Variants in ADGRA1 observed in about 807,000 individuals in gnomAD.
ADGRA1 encodes the protein adhesion G protein-coupled receptor A1.
Under a neutral mutation model 21.3 loss-of-function variants are expected in ADGRA1, and 12 were observed. That is an observed-to-expected ratio of 0.56 (90% confidence interval 0.36 to 0.91). The LOEUF is 0.91. Among genes scored for constraint, ADGRA1 ranks in the 40% least tolerant of loss-of-function variants. The probability of loss-of-function intolerance (pLI) is 0.01; values close to 1 mark genes in which losing one functional copy is unlikely to be tolerated. For synonymous variants in ADGRA1, 385 were observed against 368.8 expected, an observed-to-expected ratio of 1.04 and a Z score of -0.50; for missense variants, 790 against 805.6, an observed-to-expected ratio of 0.98 and a Z score of 0.23.
At chr10:133,113,212 G>A (rs928885372) in intron 5 of ADGRA1, among the ~76,000 whole-genome samples, 2 of 115,238 alleles carry the variant, frequency 1.7e-5, no homozygotes, top group Non-Finnish European at 3.6e-5. Flanking sequence ...GGTTATTTGA[G>A]GTCTGCGGGC....
intron 6 of ADGRA1, 92 bp downstream of exon 6, chr10:133,127,423 G>A (rs1215032618): frequency 6.1e-6 from 6 of 991,434 alleles, no homozygotes; most frequent in African/African-American, 1.7e-5. Context: ...GGAAGCCCAG[G>A]ACGAAGCAGC....
chr10:133,116,428 G>A lies in ADGRA1; in HGVS notation c.402-10805G>A, dbSNP rs986303101. Among the ~76,000 whole-genome samples the A allele has an allele frequency of 2.8e-4, 25 of 90,606 alleles. No homozygotes were observed. In the East Asian group the frequency reaches 4.8e-3, roughly 17 times the overall value. The allele number at this position is 90,606 out of a possible 152,430, so 59.4% of individuals were successfully genotyped here. ...TGTCAGCGCCCCACCCCCACCCCCC[G>A]CCACCACCCACGGTCCCTTCAGGGC... On this transcript the variant is annotated intron_variant, in intron 5 of 6. Transcript: ENST00000392607.
At chr10:133,124,931 C>T (rs1852349049) in intron 5 of ADGRA1, among the ~76,000 whole-genome samples, 1 of 152,212 alleles carries the variant, frequency 6.6e-6, no homozygotes, top group African/African-American at 2.4e-5. Flanking sequence ...CGCCCTCTGC[C>T]GGCTCACCGG....
intron 5 of ADGRA1, among the ~76,000 whole-genome samples, chr10:133,117,420 G>A (rs1454692478): frequency 6.6e-6 from 1 of 152,228 alleles, no homozygotes; most frequent in African/African-American, 2.4e-5. Context: ...CCCCACAGAG[G>A]CCAAGCGCTC....
chr10:133,111,718 G>A (rs75279872), intron 5 of ADGRA1, among the ~76,000 whole-genome samples: 363 of 1,070 alleles, frequency 0.34, 107 homozygotes, highest in Middle Eastern at 0.5. Flanking sequence ...CCACCTGCCC[G>A]CCACGGGCAC....
chr10:133,107,421 C>A (rs1851913684), intron 5 of ADGRA1, among the ~76,000 whole-genome samples: 1 of 152,042 alleles, frequency 6.6e-6, no homozygotes, highest in Admixed American at 6.5e-5. Context: ...TAAAGGTTTG[C>A]CAATTTTCTT....
chr10:133,125,342 G>A (rs913953241), intron 5 of ADGRA1, among the ~76,000 whole-genome samples: 5 of 152,094 alleles, frequency 3.3e-5, no homozygotes, highest in Admixed American at 2.6e-4. Context: ...TGATTGTTTT[G>A]CTCTTTGGAA....
At chr10:133,120,424 A>C (rs1852233074) in intron 5 of ADGRA1, among the ~76,000 whole-genome samples, 1 of 152,138 alleles carries the variant, frequency 6.6e-6, no homozygotes, top group Non-Finnish European at 1.5e-5. Flanking sequence ...AAAAAAATAT[A>C]TCTTGTTTAG....
At chr10:133,112,520 G>A (rs1174475142) in intron 5 of ADGRA1, among the ~76,000 whole-genome samples, 2 of 149,824 alleles carry the variant, frequency 1.3e-5, no homozygotes, top group Non-Finnish European at 3.0e-5. Flanking sequence ...TTGGTTATTT[G>A]GGGTCTGCAG....
At chr10:133,090,410 A>T (rs1851579160) in intron 2 of ADGRA1, among the ~76,000 whole-genome samples, 1 of 152,112 alleles carries the variant, frequency 6.6e-6, no homozygotes, top group Admixed American at 6.5e-5. Flanking sequence ...ATCTGCCTGG[A>T]GAGTGTGGCA....
At chr10:133,092,465 C>T (rs1364998439) in intron 2 of ADGRA1, among the ~76,000 whole-genome samples, 1 of 152,188 alleles carries the variant, frequency 6.6e-6, no homozygotes, top group African/African-American at 2.4e-5. Context: ...AATCATAACG[C>T]ACCTTACAAA....
chr10:133,103,863 C>T (rs191352745), intron 5 of ADGRA1, among the ~76,000 whole-genome samples: 2 of 152,192 alleles, frequency 1.3e-5, no homozygotes, highest in South Asian at 2.1e-4. Flanking sequence ...AGCGTGGCCT[C>T]GAGGCCTTGG....
Position 133,088,181 on chromosome 10 carries a change from G to T in ADGRA1, c.-203+43G>T, listed in dbSNP as rs567011390. 9.9e-4 allele frequency: 884 copies of T among 895,960 alleles called. 7 individuals carry two copies. The highest frequency in any genetic ancestry group is 8.3e-3 in the African/African-American group (459 of 55,550). 55.5% of individuals were successfully genotyped at this position (895,960 alleles called of 1,614,324 possible). A position where few individuals can be genotyped will look rare whatever the true frequency, so the allele number is the denominator to read the frequency against. ...GTCTGGGCGGCGGGAGGGACGCGCG[G>T]GGCCGCGGCTCGGCAGAAAAGCTCG... is the stretch of plus-strand genomic sequence containing the variant. On this transcript the variant is annotated intron_variant, in intron 1 of 6. Transcript: ENST00000392607.
At chr10:133,111,618 A>T (rs111836518) in intron 5 of ADGRA1, among the ~76,000 whole-genome samples, 18 of 3,806 alleles carry the variant, frequency 4.7e-3, no homozygotes, top group Admixed American at 0.017. Context: ...TCCTAATCCC[A>T]CCAGACAACC....
At chr10:133,096,335 T>C (rs2135868568) in intron 2 of ADGRA1, among the ~76,000 whole-genome samples, 1 of 152,260 alleles carries the variant, frequency 6.6e-6, no homozygotes, top group African/African-American at 2.4e-5. Flanking sequence ...GGGTCGATTT[T>C]CCCCCAGTCT....
intron 5 of ADGRA1, among the ~76,000 whole-genome samples, chr10:133,122,044 T>G (rs1022913033): frequency 5.9e-5 from 9 of 151,436 alleles, no homozygotes; most frequent in African/African-American, 1.9e-4. Flanking sequence ...TGTGTGAGAG[T>G]GGGGGGGCAT....
intron 2 of ADGRA1, among the ~76,000 whole-genome samples, chr10:133,090,314 T>C (rs1851577121): frequency 6.6e-6 from 1 of 152,158 alleles, no homozygotes; most frequent in South Asian, 2.1e-4. Context: ...TGCTACCACC[T>C]CCTCGGCCCG....
At chr10:133,096,881 G>A (rs1851698305) in intron 2 of ADGRA1, 93 bp from the exon 3 acceptor site, 8 of 1,462,680 alleles carry the variant, frequency 5.5e-6, no homozygotes, top group East Asian at 2.3e-5. Flanking sequence ...GCGGCTGCAG[G>A]GGAAGCCGAG....
chr10:133,120,924 G>A lies in ADGRA1; in HGVS notation c.402-6309G>A, dbSNP rs1852241919. Among the ~76,000 whole-genome samples, 2 of 152,236 alleles carry A rather than the reference G, an allele frequency of 1.3e-5. 1 individual carries two copies. The highest frequency in any genetic ancestry group is 4.1e-4 in the South Asian group (2 of 4,830). Reference sequence around the variant, plus strand: ...TAGTTTTATAAATAAAGCAAGAGATGTCCAACTGTTCCTTTCATTTGAACA... The same window carrying A: ...TAGTTTTATAAATAAAGCAAGAGATATCCAACTGTTCCTTTCATTTGAACA... On this transcript the variant is annotated intron_variant, in intron 5 of 6. Coordinates refer to ENST00000392607, the MANE Select transcript of ADGRA1 (RefSeq NM_001083909.3).
Sources: gnomAD v4.1 joint callset for allele counts (sites outside exome capture counted in the v4.1 genomes callset) on GRCh38, gnomAD v4.1.1 for gene constraint, MANE v1.5 for transcripts, NCBI Gene and HGNC (gene_info 2026-07-23, HGNC 2026-07-21) for gene names.